The following RSAD1 variants were observed in gnomAD, a reference collection of about 807,000 sequenced individuals.
The protein encoded by RSAD1 is radical S-adenosyl methionine domain containing 1.
Under a neutral mutation model 46.2 loss-of-function variants are expected in RSAD1, and 34 were observed. That is an observed-to-expected ratio of 0.74 (90% CI 0.56 to 0.98). RSAD1 has a LOEUF of 0.98. RSAD1 is among the 50% of genes least tolerant of loss of function. The pLI is 0.00. For synonymous variants in RSAD1, 260 were observed against 253.5 expected (o/e 1.03, Z -0.24); for missense variants, 635 against 592.3 (o/e 1.07, Z -0.75).
chr17:50,479,586 G>A lies in RSAD1; in HGVS notation c.136-43G>A, dbSNP rs371016850. The stretch of plus-strand genomic sequence containing the variant: ...TGTGTGCGACTGAACCCTGGAAGTG[G>A]CCAGGGCAGCTCTCACCGCGCACGT... On this transcript the variant is annotated intron_variant, in intron 1 of 8. Coordinates refer to ENST00000258955, the MANE Select transcript of RSAD1 (RefSeq NM_018346.3). The A allele has an allele frequency of 5.5e-5, 88 of 1,610,988 alleles. No homozygotes were observed. In the African/African-American group the frequency reaches 7.5e-4, roughly 14 times the overall value.
chr17:50,483,044 AAAAG>A (rs1370220136), intron 5 of RSAD1, among the ~76,000 whole-genome samples: 3 of 151,434 alleles, frequency 2.0e-5, no homozygotes, highest in African/African-American at 7.3e-5. Context: ...GATTAAAAAA[AAAAG>A]AAAAAGAAAA....
In RSAD1 at chr17:50,485,927, G is replaced by A. The variant is rs2033447535; in HGVS notation, c.*1066G>A. The A allele has an allele frequency of 6.6e-6, 1 of 152,158 alleles. No individual in the cohort carries two copies. Among genetic ancestry groups the A allele is most frequent in the African/African-American group, 2.4e-5 (1 of 41,410 alleles). The allele number at this position is 152,158 out of a possible 1,614,324, so 9.4% of individuals were successfully genotyped here. On this transcript the variant is annotated 3_prime_UTR_variant, in exon 9 of 9. Coordinates refer to ENST00000258955, the MANE Select transcript of RSAD1 (RefSeq NM_018346.3). ...TCTTTGTCCTTTTACCTACAGAAAT[G>A]GTCACATGGTTCTATTTAAATAGCC...
chr17:50,480,192 G>T, intron 3 of RSAD1, 108 bp downstream of exon 3: 1 of 1,171,220 alleles, frequency 8.5e-7, no homozygotes, highest in Middle Eastern at 1.9e-4. Flanking sequence ...CCTTCTGGGT[G>T]CCAGGGACAC....
At position 50,482,211 on chromosome 17, in the gene RSAD1, G is replaced by A; in HGVS notation, c.595G>A (p.Gly199Arg). ...PGRVSVDLML[G>R]LPAQQVGPWL... ...GCGCGTGTCTGTAGACTTGATGCTG[G>A]GGCTGCCGGCACAGCAGGTGGGGCC... Residue 199 changes from glycine (G) to arginine (R), a missense_variant, in exon 4 of 9, where the codon GGG (glycine) becomes AGG (arginine). By Grantham distance (125) the Gly-to-Arg change is moderately radical. Coordinates refer to ENST00000258955, the MANE Select transcript of RSAD1 (RefSeq NM_018346.3). 6.4e-7 allele frequency: 1 copy of A among 1,567,996 alleles called. No homozygotes were observed. Among genetic ancestry groups the A allele is most frequent in the Admixed American group, 1.8e-5 (1 of 54,794 alleles).
At chr17:50,479,844 T>A in intron 2 of RSAD1, 36 bp from the exon 3 acceptor site, 1 of 1,596,398 alleles carries the variant, frequency 6.3e-7, no homozygotes, top group Non-Finnish European at 8.5e-7. Flanking sequence ...CCCAGAGGGC[T>A]CCCCCAGGTC....
chr17:50,482,066 G>T, intron 3 of RSAD1, 25 bp from the exon 4 acceptor site: 1 of 1,519,254 alleles, frequency 6.6e-7, no homozygotes, highest in Non-Finnish European at 8.8e-7. Context: ...CTGCTGGTAT[G>T]CTTACACCCA....
At position 50,482,379 on chromosome 17, in the gene RSAD1, G is replaced by C. The variant is rs776061063; in HGVS notation, c.763G>C (p.Glu255Gln). Reference sequence around the variant, plus strand: ...AGCCCCTGACCCGGAGCTCGCAGCTGAGATGTACCAGAGGGGCCGGGCTGT... The same window carrying C: ...AGCCCCTGACCCGGAGCTCGCAGCTCAGATGTACCAGAGGGGCCGGGCTGT... ...LPAPDPELAA[E>Q]MYQRGRAVLR... The change falls in exon 4 of 9, where the codon GAG becomes CAG. Residue 255 changes from glutamate to glutamine, a missense_variant. Coordinates refer to ENST00000258955, the MANE Select transcript of RSAD1 (RefSeq NM_018346.3). 6.8e-6 allele frequency: 11 copies of C among 1,608,258 alleles called. No homozygotes were observed. The highest frequency in any genetic ancestry group is 9.3e-6 in the Non-Finnish European group (11 of 1,177,658).
rs141354308 is a variant in RSAD1, at chr17:50,482,129, G to A, written c.513G>A (p.Thr171=). 58 of 1,587,716 alleles carry A rather than the reference G, an allele frequency of 3.7e-5. 1 individual carries two copies. Among genetic ancestry groups the A allele is most frequent in the Non-Finnish European group, 4.6e-5 (53 of 1,163,758 alleles). The change falls in exon 4 of 9, where the codon ACG becomes ACA. Residue 171 remains threonine, a synonymous_variant. Transcript: ENST00000258955. ...CTGAGCTCCGGCTGTTGGGACGGACGCACTCGGCCTGCGATGCTCTGCGGA... is the reference window on the plus strand; with the variant it reads ...CTGAGCTCCGGCTGTTGGGACGGACACACTCGGCCTGCGATGCTCTGCGGA... ...DDTELRLLGR[T]HSACDALRTL... is the part of the protein sequence containing the mutation.
Position 50,483,791 on chromosome 17 carries a change from C to T in RSAD1, c.1107+31C>T, listed in dbSNP as rs1431086947. Reference sequence around the variant, plus strand: ...GAGTTAGGATTCTTGCACACCACTCCCTCCTAAAGTCTTGCAGAATCAATG... The same window carrying T: ...GAGTTAGGATTCTTGCACACCACTCTCTCCTAAAGTCTTGCAGAATCAATG... On this transcript the variant is annotated intron_variant, in intron 7 of 8. Transcript: ENST00000258955. The T allele has an allele frequency of 1.9e-6, 3 of 1,590,266 alleles. No individual in the cohort carries two copies. In the African/African-American group the frequency reaches 4.1e-5, roughly 22 times the overall value.
Position 50,482,472 on chromosome 17 carries a change from G to T in RSAD1, c.840+16G>T, listed in dbSNP as rs1370612182. 8.1e-6 allele frequency: 13 copies of T among 1,597,428 alleles called. No homozygotes were observed. The highest frequency in any genetic ancestry group is 1.1e-5 in the Non-Finnish European group (13 of 1,175,158). ...TGCCCGGAATGTAAGTTCTGGGGCT[G>T]ATGGCTGGAGGTGGAGGATGGGCAG... On this transcript the variant is annotated intron_variant, in intron 4 of 8. Coordinates refer to ENST00000258955, the MANE Select transcript of RSAD1 (RefSeq NM_018346.3).
chr17:50,478,972 T>C lies in RSAD1; in HGVS notation c.88T>C (p.Ser30Pro). 7.2e-7 allele frequency: 1 copy of C among 1,398,358 alleles called. No individual in the cohort carries two copies. Among genetic ancestry groups the C allele is most frequent in the Non-Finnish European group, 9.2e-7 (1 of 1,082,100 alleles). The allele number at this position is 1,398,358 out of a possible 1,614,324, so 86.6% of individuals were successfully genotyped here. Residue 30 changes from serine to proline, a missense_variant, in exon 1 of 9, where the codon TCC (serine) becomes CCC (proline). By Grantham distance (74) the Ser-to-Pro change is moderately conservative. Coordinates refer to ENST00000258955, the MANE Select transcript of RSAD1 (RefSeq NM_018346.3). ...RRRRVENAGG[S>P]PSPEPAGRRA... ...CCGCCGCGTGGAGAACGCAGGAGGGTCCCCGAGTCCTGAGCCTGCGGGCCG... is the reference window on the plus strand; with the variant it reads ...CCGCCGCGTGGAGAACGCAGGAGGGCCCCCGAGTCCTGAGCCTGCGGGCCG...
intron 3 of RSAD1, among the ~76,000 whole-genome samples, chr17:50,481,370 A>G (rs1360649482): frequency 6.6e-6 from 1 of 152,262 alleles, no homozygotes; most frequent in Admixed American, 6.5e-5. Flanking sequence ...TAGGAAATAC[A>G]CACCTAAGTA....
In RSAD1 at chr17:50,485,626, G is replaced by A. The variant is rs1243597480; in HGVS notation, c.*765G>A. ...GGCTTCCAGCCTCTACCATGCAGGA[G>A]AGAACACAGAAGGACTGATGTATGT... On this transcript the variant is annotated 3_prime_UTR_variant, in exon 9 of 9. Coordinates refer to ENST00000258955, the MANE Select transcript of RSAD1 (RefSeq NM_018346.3). The A allele has an allele frequency of 1.3e-5, 2 of 152,308 alleles. No homozygotes were observed. The highest frequency in any genetic ancestry group is 2.9e-5 in the Non-Finnish European group (2 of 68,098). The allele number at this position is 152,308 out of a possible 1,614,324, so 9.4% of individuals were successfully genotyped here.
intron 3 of RSAD1, 74 bp downstream of exon 3, chr17:50,480,158 C>A: frequency 6.7e-7 from 1 of 1,498,402 alleles, no homozygotes; most frequent in Non-Finnish European, 9.3e-7. Context: ...CACATTCATT[C>A]ATTGGGCAAA....
chr17:50,482,092 C>T lies in RSAD1; in HGVS notation c.476C>T (p.Ser159Phe). 1 of 1,554,860 alleles carries T rather than the reference C, an allele frequency of 6.4e-7. No homozygotes were observed. Among genetic ancestry groups the T allele is most frequent in the Non-Finnish European group, 8.7e-7 (1 of 1,147,982 alleles). ...GVNRLSIGLQ[S>F]LDDTELRLLG... ...CTTACACCCACCCTCTTTTCCCAGT[C>T]CCTAGATGACACTGAGCTCCGGCTG... The change falls in exon 4 of 9, where the codon TCC becomes TTC. Residue 159 changes from serine (S) to phenylalanine (F), a missense_variant and splice_region_variant. Ser to Phe is a radical substitution (Grantham distance 155). Coordinates refer to ENST00000258955, the MANE Select transcript of RSAD1 (RefSeq NM_018346.3).
chr17:50,483,185 A>G (rs527700112), intron 5 of RSAD1, among the ~76,000 whole-genome samples, 155 bp from the exon 6 acceptor site: 1 of 129,734 alleles, frequency 7.7e-6, no homozygotes, highest in African/African-American at 3.2e-5. Context: ...AAAAAAAAAA[A>G]AAAAAAAGAA....
chr17:50,479,074 C>A, intron 1 of RSAD1, 55 bp downstream of exon 1: 1 of 1,284,496 alleles, frequency 7.8e-7, no homozygotes, highest in South Asian at 2.5e-5. Context: ...CTGGCCGTGA[C>A]CGTGGCCGTC....
rs753474108 is a variant in RSAD1 at position 50,484,504 on chromosome 17, G to A, written c.1170G>A (p.Val390=). ...ATGTGTTTGGAGCGAACAAGGAGGT[G>A]CAGGAGCTGCTGGAGCGGGGCCTAC... ...LWDVFGANKE[V]QELLERGLLQ... is the part of the protein sequence containing the mutation. The change falls in exon 8 of 9, where the codon GTG becomes GTA. Residue 390 remains valine (V), a synonymous_variant. Coordinates refer to ENST00000258955, the MANE Select transcript of RSAD1 (RefSeq NM_018346.3). 1 of 1,613,706 alleles carries A rather than the reference G, an allele frequency of 6.2e-7. No individual in the cohort carries two copies. The highest frequency in any genetic ancestry group is 8.5e-7 in the Non-Finnish European group (1 of 1,180,022).
intron 8 of RSAD1, 87 bp from the exon 9 acceptor site, chr17:50,484,657 G>T (rs1305828908): frequency 2.6e-6 from 4 of 1,516,836 alleles, no homozygotes; most frequent in Non-Finnish European, 3.6e-6. Flanking sequence ...GGCGGGACCT[G>T]CGGGTGCTGG....
Sources: allele counts gnomAD v4.1 joint callset (sites outside exome capture counted in the v4.1 genomes callset), GRCh38; gene constraint gnomAD v4.1.1; transcripts MANE v1.5; gene names NCBI Gene and HGNC (gene_info 2026-07-23, HGNC 2026-07-21).